ARMC3: variants seen among roughly 807,000 people sequenced by gnomAD.
The protein encoded by ARMC3 is armadillo repeat-containing protein 3.
A neutral mutation model predicts 90.3 loss-of-function variants in ARMC3; 74 were observed. That is an observed-to-expected ratio of 0.82 (90% CI 0.68 to 0.99). ARMC3 has a LOEUF of 0.99. ARMC3 is among the 50% of genes least tolerant of loss of function. ARMC3 has a pLI of 0.00. For missense variants in ARMC3, 958 were observed against 1,042.8 expected, an observed-to-expected ratio of 0.92 and a Z score of 1.12; for synonymous variants, 334 against 361.8, an observed-to-expected ratio of 0.92 and a Z score of 0.87.
intron 8 of ARMC3, among the ~76,000 whole-genome samples, chr10:22,974,463 G>C (rs1370969369): frequency 6.6e-6 from 1 of 151,872 alleles, no homozygotes; most frequent in Non-Finnish European, 1.5e-5. Flanking sequence ...ATTTTTCTAT[G>C]CTGTTCATTT....
intron 11 of ARMC3, among the ~76,000 whole-genome samples, chr10:23,001,049 T>G (rs1837261836): frequency 6.6e-6 from 1 of 152,198 alleles, no homozygotes; most frequent in South Asian, 2.1e-4. Flanking sequence ...GAGAAGACAC[T>G]GTGTATAGAT....
rs773755746 is a variant in ARMC3, at chr10:23,013,699, C to T, written c.2045+4768C>T. Among the ~76,000 whole-genome samples the T allele has an allele frequency of 3.9e-5, 6 of 152,166 alleles. No homozygotes were observed. The East Asian group carries it at 7.7e-4, about 20-fold the overall frequency. On this transcript the variant is annotated intron_variant, in intron 16 of 18. Transcript: ENST00000298032. ...TTAAATATAATATAATGTCTCCATG[C>T]TGTACATTAGATCTCCAGAACACAG... is the stretch of plus-strand genomic sequence containing the variant.
At chr10:22,961,808 T>C in intron 6 of ARMC3, 76 bp from the exon 7 acceptor site, 1 of 1,256,578 alleles carries the variant, frequency 8.0e-7, no homozygotes, top group East Asian at 2.5e-5. Flanking sequence ...GTTCTTGTGT[T>C]AGAAAACAGA....
At position 22,970,157 on chromosome 10, in the gene ARMC3, A is replaced by G. The variant is rs372168820; in HGVS notation, c.916+1668A>G. On this transcript the variant is annotated intron_variant, in intron 8 of 18. Transcript: ENST00000298032. Reference sequence around the variant, plus strand: ...AGGATCACCCAGGAAGGCTCCCAGCACAGACCTGGATCAGAAAAATATTTC... The same window carrying G: ...AGGATCACCCAGGAAGGCTCCCAGCGCAGACCTGGATCAGAAAAATATTTC... Among the ~76,000 whole-genome samples, 4 of 152,248 alleles carry G rather than the reference A, an allele frequency of 2.6e-5. No individual in the cohort carries two copies. The East Asian group carries it at 5.8e-4, about 22-fold the overall frequency.
At chr10:22,988,850 A>G (rs1339014381) in intron 10 of ARMC3, among the ~76,000 whole-genome samples, 2 of 152,238 alleles carry the variant, frequency 1.3e-5, no homozygotes, top group African/African-American at 2.4e-5. Context: ...ACTTTTTACT[A>G]AAGAAGCATT....
At position 23,008,944 on chromosome 10, in the gene ARMC3, C is replaced by T. The variant is rs1204160743; in HGVS notation, c.2045+13C>T. The stretch of plus-strand genomic sequence containing the variant: ...AAAAAGGATGGAGGTAAGAAAGTGT[C>T]CTGAGTTCCTCATTACCCAGCCAGG... On this transcript the variant is annotated intron_variant, in intron 16 of 18. Coordinates refer to ENST00000298032, the MANE Select transcript of ARMC3 (RefSeq NM_173081.5). 6.2e-7 allele frequency: 1 copy of T among 1,605,878 alleles called. No individual in the cohort carries two copies. The highest frequency in any genetic ancestry group is 1.7e-5 in the Admixed American group (1 of 59,622).
chr10:22,962,016 T>C lies in ARMC3; in HGVS notation c.670T>C (p.Ser224Pro). 6.2e-7 allele frequency: 1 copy of C among 1,611,268 alleles called. No homozygotes were observed. Among genetic ancestry groups the C allele is most frequent in the Non-Finnish European group, 8.5e-7 (1 of 1,178,972 alleles). The change falls in exon 7 of 19, where the codon TCT (serine) becomes CCT (proline). Residue 224 changes from serine to proline, a missense_variant. Ser to Pro is a moderately conservative substitution (Grantham distance 74, BLOSUM62 -1). Coordinates refer to ENST00000298032, the MANE Select transcript of ARMC3 (RefSeq NM_173081.5). The part of the protein sequence containing the change: ...TLGVIANDKE[S>P]RTMLRDNQGL... ...AGGTGTTATTGCAAATGATAAGGAG[T>C]CTCGAACAATGCTAAGAGACAATCA... is the stretch of plus-strand genomic sequence containing the variant.
At chr10:23,009,208 G>A (rs1484903018) in intron 16 of ARMC3, among the ~76,000 whole-genome samples, 1 of 152,216 alleles carries the variant, frequency 6.6e-6, no homozygotes, top group East Asian at 1.9e-4. Context: ...TGGCAACAGG[G>A]ACAGCAGTCT....
At chr10:23,009,908 A>G (rs1393401991) in intron 16 of ARMC3, among the ~76,000 whole-genome samples, 2 of 152,200 alleles carry the variant, frequency 1.3e-5, no homozygotes, top group Admixed American at 1.3e-4. Context: ...CCACGGTGGC[A>G]TTGGAGGCTG....
chr10:22,986,956 T>C (rs1386243075), intron 10 of ARMC3, among the ~76,000 whole-genome samples: 1 of 152,100 alleles, frequency 6.6e-6, no homozygotes, highest in African/African-American at 2.4e-5. Context: ...GAAAGCAAAG[T>C]AAAACTATTT....
chr10:22,942,396 C>T (rs1365000615), intron 2 of ARMC3, among the ~76,000 whole-genome samples: 1 of 152,138 alleles, frequency 6.6e-6, no homozygotes, highest in African/African-American at 2.4e-5. Flanking sequence ...ATGGATGCTA[C>T]TGAGTCAGAA....
chr10:22,942,562 G>A (rs1166318029), intron 2 of ARMC3, among the ~76,000 whole-genome samples: 1 of 152,184 alleles, frequency 6.6e-6, no homozygotes, highest in African/African-American at 2.4e-5. Flanking sequence ...GCTTTGGAAA[G>A]GCAAATTAAA....
intron 10 of ARMC3, among the ~76,000 whole-genome samples, chr10:22,989,916 A>T (rs921355321): frequency 2.6e-5 from 4 of 152,230 alleles, no homozygotes; most frequent in African/African-American, 9.6e-5. Context: ...TGGATTCCCT[A>T]TCCCCATTTC....
At chr10:23,006,515 A>G (rs748740913) in intron 13 of ARMC3, among the ~76,000 whole-genome samples, 2 of 152,220 alleles carry the variant, frequency 1.3e-5, no homozygotes, top group Non-Finnish European at 2.9e-5. Context: ...TTTTAGATAC[A>G]CTCACAACAC....
chr10:23,035,553 T>C (rs1839098099), intron 18 of ARMC3, among the ~76,000 whole-genome samples: 1 of 152,106 alleles, frequency 6.6e-6, no homozygotes, highest in African/African-American at 2.4e-5. Flanking sequence ...ATATACTCTT[T>C]ATCTCCCTTA....
In ARMC3 at chr10:23,037,988, A is replaced by C. The variant is rs1455320257; in HGVS notation, c.*509A>C. The C allele has an allele frequency of 6.6e-6, 1 of 152,284 alleles. No homozygotes were observed. Among genetic ancestry groups the C allele is most frequent in the Non-Finnish European group, 1.5e-5 (1 of 68,084 alleles). 9.4% of individuals were successfully genotyped at this position (152,284 alleles called of 1,614,324 possible). The stretch of plus-strand genomic sequence containing the variant: ...TCTGAGTGTTACAAATTCCTTTCTA[A>C]AAATTTTTGTTTCTATTTTTAAAAA... On this transcript the variant is annotated 3_prime_UTR_variant, in exon 19 of 19. Coordinates refer to ENST00000298032, the MANE Select transcript of ARMC3 (RefSeq NM_173081.5).
chr10:22,955,286 C>A (rs1199669359), intron 3 of ARMC3: 1 of 152,696 alleles, frequency 6.5e-6, no homozygotes, highest in Non-Finnish European at 1.5e-5. Flanking sequence ...CATCTATAGA[C>A]AATTCTAACA....
chr10:23,024,125 G>T (rs1838618482), intron 16 of ARMC3, among the ~76,000 whole-genome samples: 1 of 152,156 alleles, frequency 6.6e-6, no homozygotes, highest in Non-Finnish European at 1.5e-5. Context: ...CGACTCAAGT[G>T]ACAGTGTCTT....
chr10:23,006,752 T>C, intron 13 of ARMC3, 132 bp from the exon 14 acceptor site: 1 of 716,952 alleles, frequency 1.4e-6, no homozygotes, highest in Non-Finnish European at 2.4e-6. Flanking sequence ...TATATATGTA[T>C]ATTGTACATG....
Sources: gnomAD v4.1 joint callset for allele counts (sites outside exome capture counted in the v4.1 genomes callset) on GRCh38, gnomAD v4.1.1 for gene constraint, MANE v1.5 for transcripts, NCBI Gene and HGNC (gene_info 2026-07-23, HGNC 2026-07-21) for gene names.